ZNG1E: variants seen among roughly 807,000 people sequenced by gnomAD.
ZNG1E encodes Zn regulated GTPase metalloprotein activator 1E.
chr9:65,674,358 A>G, the ZNG1E span, among the ~76,000 whole-genome samples: 7 of 152,414 alleles, frequency 4.6e-5, no homozygotes, highest in African/African-American at 1.7e-4. Context: ...CTAATGGAAT[A>G]CACACAGTAT....
At chr9:65,727,495 C>T in the ZNG1E span, among the ~76,000 whole-genome samples, 1 of 129,280 alleles carries the variant, frequency 7.7e-6, no homozygotes, top group Non-Finnish European at 1.6e-5. Context: ...CTATCTGTCG[C>T]CTTCAAGAGT....
the ZNG1E span, chr9:65,679,581 A>G: frequency 2.5e-6 from 1 of 407,606 alleles, no homozygotes; most frequent in Non-Finnish European, 4.4e-6. Flanking sequence ...TTTGAGATGG[A>G]GTCTCTCTCT....
At chr9:65,660,550 T>A in the ZNG1E span, among the ~76,000 whole-genome samples, 1 of 152,246 alleles carries the variant, frequency 6.6e-6, no homozygotes, top group South Asian at 2.1e-4. Flanking sequence ...GGTATTTATG[T>A]GTTGGGGAGG....
chr9:65,658,500 A>T, the ZNG1E span, among the ~76,000 whole-genome samples: 9 of 151,834 alleles, frequency 5.9e-5, no homozygotes, highest in Non-Finnish European at 8.8e-5. Flanking sequence ...CAGAGATAAG[A>T]GAAGAAAGGA....
the ZNG1E span, chr9:65,669,197 G>A: frequency 7.5e-6 from 1 of 132,926 alleles, no homozygotes; most frequent in Admixed American, 7.5e-5. Flanking sequence ...TGGTCTTGAA[G>A]CCAGAAAGAC....
the ZNG1E span, chr9:65,693,615 T>C: frequency 4.9e-6 from 2 of 411,160 alleles, no homozygotes; most frequent in Non-Finnish European, 8.7e-6. Flanking sequence ...TGGAGTGCAG[T>C]GGCACCATCT....
the ZNG1E span, among the ~76,000 whole-genome samples, chr9:65,725,054 GTTA>G: frequency 7.3e-6 from 1 of 137,624 alleles, no homozygotes; most frequent in Non-Finnish European, 1.5e-5. Context: ...TTACCATTGT[GTTA>G]TTATTTCCAT....
chr9:65,672,674 C>T, the ZNG1E span, among the ~76,000 whole-genome samples: 1 of 149,362 alleles, frequency 6.7e-6, no homozygotes, highest in Non-Finnish European at 1.5e-5. Flanking sequence ...AACCCAGAGG[C>T]AGAGGTTGCA....
At chr9:65,662,013 A>G in the ZNG1E span, among the ~76,000 whole-genome samples, 1 of 152,266 alleles carries the variant, frequency 6.6e-6, no homozygotes, top group Non-Finnish European at 1.5e-5. Context: ...CCCATCAGGT[A>G]CTTATTAACT....
the ZNG1E span, chr9:65,719,949 T>C: frequency 1.3e-6 from 2 of 1,530,022 alleles, no homozygotes; most frequent in Non-Finnish European, 1.8e-6. Context: ...TAGTCAGTTA[T>C]GGAAAGTCAC....
the ZNG1E span, chr9:65,704,655 G>A: frequency 1.2e-6 from 1 of 859,350 alleles, no homozygotes. Flanking sequence ...GCTCATGCCT[G>A]TAATCCCAGC....
the ZNG1E span, among the ~76,000 whole-genome samples, chr9:65,691,874 A>T: frequency 2.0e-5 from 3 of 148,324 alleles, no homozygotes; most frequent in East Asian, 5.9e-4. Context: ...ACCAGTCGAA[A>T]TTTTCTTACT....
chr9:65,714,806 T>C, the ZNG1E span, among the ~76,000 whole-genome samples: 1 of 151,932 alleles, frequency 6.6e-6, no homozygotes, highest in Non-Finnish European at 1.5e-5. Context: ...TTCAAAGCTG[T>C]CAGACAGGGA....
chr9:65,668,939 C>T, the ZNG1E span: 1 of 89,534 alleles, frequency 1.1e-5, no homozygotes, highest in Non-Finnish European at 2.1e-5. Flanking sequence ...TCTCCTTCTG[C>T]CAGGTGAACA....
At chr9:65,709,445 G>A in the ZNG1E span, among the ~76,000 whole-genome samples, 2 of 138,956 alleles carry the variant, frequency 1.4e-5, no homozygotes, top group South Asian at 2.3e-4. Flanking sequence ...CTGGTGGGCT[G>A]CACCCACTAA....
the ZNG1E span, among the ~76,000 whole-genome samples, chr9:65,693,156 A>T: frequency 6.6e-6 from 1 of 152,074 alleles, no homozygotes; most frequent in Non-Finnish European, 1.5e-5. Context: ...GAAAATCAGG[A>T]TATACACATA....
chr9:65,700,053 C>T, the ZNG1E span, among the ~76,000 whole-genome samples: 8 of 149,268 alleles, frequency 5.4e-5, no homozygotes, highest in South Asian at 4.2e-4. Flanking sequence ...ACAATTCATT[C>T]ACATTGAAAA....
chr9:65,703,826 A>G, the ZNG1E span: 4 of 970,016 alleles, frequency 4.1e-6, no homozygotes, highest in African/African-American at 8.2e-5. Flanking sequence ...TAACAGCAGC[A>G]GCTGCTTATA....
chr9:65,703,722 T>G, the ZNG1E span: 1 of 971,516 alleles, frequency 1.0e-6, no homozygotes, highest in South Asian at 4.9e-5. Flanking sequence ...GAGAAATTCT[T>G]TCTTTGGAAG....
Sources: gnomAD v4.1 joint callset for allele counts (sites outside exome capture counted in the v4.1 genomes callset) on GRCh38, gnomAD v4.1.1 for gene constraint, MANE v1.5 for transcripts, NCBI Gene and HGNC (gene_info 2026-07-23, HGNC 2026-07-21) for gene names.